Variants in VAV2 observed in about 807,000 individuals in gnomAD.
The protein encoded by VAV2 is guanine nucleotide exchange factor VAV2.
In VAV2, 67 loss-of-function variants were observed where a neutral mutation model predicts 132.5. The ratio of observed to expected loss-of-function variants is 0.51; its 90% CI spans 0.42 to 0.62. The LOEUF is 0.62. Among genes scored for constraint, VAV2 ranks in the 20% least tolerant of loss-of-function variants. VAV2 has a pLI of 0.00. For missense variants in VAV2, 938 were observed against 1,153.6 expected (o/e 0.81, Z 2.71); for synonymous variants, 492 against 443.5 (o/e 1.11, Z -1.37).
chr9:133,776,365 G>A (rs541019507), intron 23 of VAV2, among the ~76,000 whole-genome samples: 26 of 145,628 alleles, frequency 1.8e-4, no homozygotes, highest in Non-Finnish European at 2.6e-4. Context: ...CCGAAGGTGC[G>A]GGAAGTTTTC....
intron 1 of VAV2, among the ~76,000 whole-genome samples, chr9:133,947,412 GTC>G (rs1392106297): frequency 6.6e-6 from 1 of 152,160 alleles, no homozygotes; most frequent in Non-Finnish European, 1.5e-5. Context: ...TTTAAAACTG[GTC>G]TGTCGTTGGG....
intron 2 of VAV2, among the ~76,000 whole-genome samples, chr9:133,891,765 CGATGGAGAGG>C (rs1410232515): frequency 3.5e-5 from 1 of 28,232 alleles, no homozygotes; most frequent in Non-Finnish European, 6.4e-5. Context: ...GGAGGGGGAG[CGATGGAGAGG>C]GATGGAAGGA....
intron 1 of VAV2, among the ~76,000 whole-genome samples, chr9:133,979,605 C>A (rs1842630162): frequency 6.6e-6 from 1 of 152,206 alleles, no homozygotes; most frequent in Non-Finnish European, 1.5e-5. Flanking sequence ...GCCACGGCCG[C>A]CGGCAGGACA....
chr9:133,795,087 G>A (rs202006033), intron 12 of VAV2, among the ~76,000 whole-genome samples: 1 of 152,220 alleles, frequency 6.6e-6, no homozygotes, highest in East Asian at 1.9e-4. Context: ...GCGACATCAG[G>A]GGCAAGTATC....
chr9:133,949,562 T>C (rs1251041127), intron 1 of VAV2, among the ~76,000 whole-genome samples: 2 of 152,334 alleles, frequency 1.3e-5, no homozygotes, highest in East Asian at 1.9e-4. Context: ...CCTCTGTACC[T>C]GCCCCCTCGA....
At chr9:133,987,738 C>T (rs1330140625) in intron 1 of VAV2, among the ~76,000 whole-genome samples, 2 of 152,226 alleles carry the variant, frequency 1.3e-5, no homozygotes, top group Admixed American at 6.5e-5. Flanking sequence ...CAGGCAACCT[C>T]GGGACCTCCC....
chr9:133,929,275 T>C (rs1227920641), intron 2 of VAV2, among the ~76,000 whole-genome samples: 12 of 151,396 alleles, frequency 7.9e-5, no homozygotes, highest in Non-Finnish European at 1.6e-4. Flanking sequence ...GTCCGGACAG[T>C]GGTGGGTGGG....
At chr9:133,862,848 C>T (rs1361402816) in intron 2 of VAV2, among the ~76,000 whole-genome samples, 1 of 152,206 alleles carries the variant, frequency 6.6e-6, no homozygotes, top group Non-Finnish European at 1.5e-5. Context: ...CCGCTTCCAG[C>T]AGCAATTTTC....
At chr9:133,876,512 G>C (rs966215143) in intron 2 of VAV2, among the ~76,000 whole-genome samples, 3 of 152,272 alleles carry the variant, frequency 2.0e-5, no homozygotes, top group African/African-American at 4.8e-5. Context: ...CAGGCCCGGA[G>C]AGCGGCCATG....
intron 1 of VAV2, among the ~76,000 whole-genome samples, chr9:133,964,024 T>TATGTAC (rs1215363118): frequency 0.037 from 1,833 of 49,464 alleles, 129 homozygotes; most frequent in Middle Eastern, 0.067. Flanking sequence ...TATTCATTCA[T>TATGTAC]ATATATATAT....
Position 133,764,038 on chromosome 9 carries a change from C to A in VAV2, c.*24G>T. On this transcript the variant is annotated 3_prime_UTR_variant, in exon 30 of 30. Transcript: ENST00000371850. ...GGAGTGACTCTCCCAAGAAAATCTGCGAGTCTTGTCCACGTTCCTGCCGTC... is the reference window on the plus strand; with the variant it reads ...GGAGTGACTCTCCCAAGAAAATCTGAGAGTCTTGTCCACGTTCCTGCCGTC... 6.2e-7 allele frequency: 1 copy of A among 1,613,864 alleles called. No homozygotes were observed. Among genetic ancestry groups the A allele is most frequent in the Non-Finnish European group, 8.5e-7 (1 of 1,179,878 alleles).
In VAV2 at chr9:133,966,302, G is replaced by A. The variant is rs930574295; in HGVS notation, c.204+25773C>T. On this transcript the variant is annotated intron_variant, in intron 1 of 29. Coordinates refer to ENST00000371850, the MANE Select transcript of VAV2 (RefSeq NM_001134398.2). ...CAAATGGGATTACATCAAGCTAAAC[G>A]CCTCCACACAGCAAAGCAAACAATC... 3.1e-4 allele frequency among the ~76,000 whole-genome samples: 47 copies of A among 152,186 alleles called. 2 individuals are homozygous for A. The highest frequency in any genetic ancestry group is 2.5e-3 in the East Asian group (13 of 5,204).
At chr9:133,938,997 T>C (rs1176211077) in intron 2 of VAV2, 106 bp downstream of exon 2, 2 of 1,013,666 alleles carry the variant, frequency 2.0e-6, no homozygotes, top group East Asian at 2.4e-5. Context: ...ACTGGCTCTG[T>C]GTTGGAGCCA....
chr9:133,787,062 G>A (rs56357442), intron 16 of VAV2, among the ~76,000 whole-genome samples, 184 bp downstream of exon 16: 8,127 of 152,248 alleles, frequency 0.053, 293 homozygotes, highest in African/African-American at 0.1. Context: ...CTGTCTTAGC[G>A]GGCAAGCCTT....
rs947815557 is a variant in VAV2, at chr9:133,918,753, C to A, written c.321+20350G>T. On this transcript the variant is annotated intron_variant, in intron 2 of 29. Transcript: ENST00000371850. This position sits in a 1 kb window ranked among gnomAD's most constrained non-coding sequence, Gnocchi z 4.7. Reference sequence around the variant, plus strand: ...TCCTAAGCCTCCCAAGAAGCAGCCGCCATGTGTGTGTGTGTGTTTGTTTGT... The same window carrying A: ...TCCTAAGCCTCCCAAGAAGCAGCCGACATGTGTGTGTGTGTGTTTGTTTGT... Among the ~76,000 whole-genome samples, 1 of 143,138 alleles carries A rather than the reference C, an allele frequency of 7.0e-6. No individual in the cohort carries two copies. Among genetic ancestry groups the A allele is most frequent in the African/African-American group, 3.0e-5 (1 of 33,058 alleles). 93.9% of individuals were successfully genotyped at this position (143,138 alleles called of 152,430 possible).
intron 23 of VAV2, 109 bp from the exon 24 acceptor site, chr9:133,776,189 G>A: frequency 6.7e-7 from 1 of 1,482,110 alleles, no homozygotes; most frequent in South Asian, 1.3e-5. Context: ...GGCTGCCCTG[G>A]AGGGGACTGT....
intron 1 of VAV2, among the ~76,000 whole-genome samples, chr9:133,965,609 T>C (rs1842118972): frequency 6.6e-6 from 1 of 151,582 alleles, no homozygotes; most frequent in Admixed American, 6.6e-5. Flanking sequence ...AGAGAAACTG[T>C]AAAACACTGA....
intron 1 of VAV2, among the ~76,000 whole-genome samples, chr9:133,983,397 A>G (rs113692299): frequency 0.026 from 3,949 of 152,244 alleles, 86 homozygotes; most frequent in Non-Finnish European, 0.04. Context: ...CATAGCAAGA[A>G]AGGGCTCAAC....
intron 2 of VAV2, among the ~76,000 whole-genome samples, chr9:133,937,523 TGA>T (rs956505448): frequency 1.2e-4 from 15 of 123,988 alleles, no homozygotes; most frequent in East Asian, 4.5e-4. Context: ...TGTGCGCGTG[TGA>T]GAGTGTGTGT....
Sources: gnomAD v4.1 joint callset for allele counts (sites outside exome capture counted in the v4.1 genomes callset) on GRCh38, gnomAD v4.1.1 for gene constraint, Gnocchi (gnomAD v3.1) non-coding constraint, MANE v1.5 for transcripts, NCBI Gene and HGNC (gene_info 2026-07-23, HGNC 2026-07-21) for gene names.